OXR1: variants seen among roughly 807,000 people sequenced by gnomAD.
OXR1 encodes the protein oxidation resistance protein 1.
In OXR1, 41 loss-of-function variants were observed where a neutral mutation model predicts 104.6. The observed-to-expected ratio is 0.39, with a 90% confidence interval of 0.31 to 0.51. The LOEUF is 0.51. Ranked by LOEUF, OXR1 falls within the 20% of genes least tolerant of loss-of-function variation. The pLI, the probability that OXR1 is intolerant of heterozygous loss-of-function variation, is 0.77. For synonymous variants in OXR1, 348 were observed against 348.4 expected (o/e 1.00, Z 0.01); for missense variants, 955 against 1,031.9 (o/e 0.93, Z 1.02).
At position 106,304,859 on chromosome 8, in the gene OXR1, C is replaced by T. The variant is rs528461354; in HGVS notation, c.-139+34492C>T. ...GAATTTTAGTTTCATGGTTAATTGG[C>T]GTTAATTATCAGTAGTAATCATAAT... is the stretch of plus-strand genomic sequence containing the variant. On this transcript the variant is annotated intron_variant, in intron 1 of 16. Transcript: ENST00000517566. Among the ~76,000 whole-genome samples, 7 of 152,064 alleles carry T rather than the reference C, an allele frequency of 4.6e-5. No homozygotes were observed. The East Asian group carries it at 9.7e-4, about 21-fold the overall frequency.
intron 2 of OXR1, among the ~76,000 whole-genome samples, chr8:106,400,999 GAAAAGT>G (rs947442851): frequency 3.9e-5 from 6 of 152,176 alleles, no homozygotes; most frequent in Non-Finnish European, 5.9e-5. Context: ...AAAGACAAAT[GAAAAGT>G]AAAACATTTC....
At chr8:106,321,454 G>A (rs544219505) in intron 1 of OXR1, among the ~76,000 whole-genome samples, 1 of 152,182 alleles carries the variant, frequency 6.6e-6, no homozygotes, top group Admixed American at 6.5e-5. Context: ...GAAGTCAGAG[G>A]TTGATGTTGA....
rs931856617 is a variant in OXR1 at position 106,543,133 on chromosome 8, G to A, written c.220+23994G>A. Among the ~76,000 whole-genome samples the A allele has an allele frequency of 2.9e-4, 44 of 152,088 alleles. 1 individual carries two copies. The highest frequency in any genetic ancestry group is 2.8e-3 in the Admixed American group (43 of 15,262). ...GAGTCTACAGAGCAGAATTGAGGAA[G>A]GAGAAAGAGACTTCCTAATGAGCAC... On this transcript the variant is annotated intron_variant, in intron 3 of 16. Coordinates refer to ENST00000517566, the MANE Select transcript of OXR1 (RefSeq NM_001198533.2).
intron 2 of OXR1, among the ~76,000 whole-genome samples, chr8:106,465,994 C>G (rs1469907079): frequency 6.6e-6 from 1 of 151,926 alleles, no homozygotes; most frequent in Non-Finnish European, 1.5e-5. Flanking sequence ...TCTAAGAAGC[C>G]TTCTTTAATA....
In OXR1 at chr8:106,270,465, G is replaced by T. The variant is rs971164714; in HGVS notation, c.-139+98G>T. Reference sequence around the variant, plus strand: ...GGCGCGGCTGGCGCCCGGGAGAGCCGGCTGGCCTCTGCCCCCTGTGCCTGG... The same window carrying T: ...GGCGCGGCTGGCGCCCGGGAGAGCCTGCTGGCCTCTGCCCCCTGTGCCTGG... On this transcript the variant is annotated intron_variant, in intron 1 of 16. Transcript: ENST00000517566. 12 of 152,596 alleles carry T rather than the reference G, an allele frequency of 7.9e-5. 1 individual carries two copies. Among genetic ancestry groups the T allele is most frequent in the Admixed American group, 2.6e-4 (4 of 15,304 alleles). The allele number at this position is 152,596 out of a possible 1,614,324, so 9.5% of individuals were successfully genotyped here. A position where few individuals can be genotyped will look rare whatever the true frequency, so the allele number is the denominator to read the frequency against.
chr8:106,443,980 C>T (rs558709431), intron 2 of OXR1, among the ~76,000 whole-genome samples: 1 of 150,914 alleles, frequency 6.6e-6, no homozygotes, highest in African/African-American at 2.4e-5. Context: ...TTAAAAGGAA[C>T]TTAAACATAT....
At position 106,358,455 on chromosome 8, in the gene OXR1, C is replaced by T. The variant is rs377742803; in HGVS notation, c.-138-1021C>T. On this transcript the variant is annotated intron_variant, in intron 1 of 16. Transcript: ENST00000517566. ...GTGCTCCCACATGCCCTGTATGTGC[C>T]TTTATTAGAACACTTTCCCTATTTT... Among the ~76,000 whole-genome samples the T allele has an allele frequency of 7.1e-4, 108 of 152,254 alleles. 1 individual carries two copies. The highest frequency in any genetic ancestry group is 2.4e-3 in the African/African-American group (100 of 41,554).
intron 3 of OXR1, among the ~76,000 whole-genome samples, chr8:106,647,140 T>A (rs1328889750): frequency 6.6e-6 from 1 of 152,238 alleles, no homozygotes; most frequent in Non-Finnish European, 1.5e-5. Context: ...CTTGTTTGGC[T>A]TGACTGCCAT....
intron 3 of OXR1, among the ~76,000 whole-genome samples, chr8:106,562,023 A>T (rs1816721818): frequency 6.6e-6 from 1 of 152,226 alleles, no homozygotes; most frequent in African/African-American, 2.4e-5. Flanking sequence ...AGGAAAAACC[A>T]GTGCAAAAAG....
intron 3 of OXR1, among the ~76,000 whole-genome samples, chr8:106,621,376 G>A (rs1240053807): frequency 6.6e-6 from 1 of 151,910 alleles, no homozygotes; most frequent in Non-Finnish European, 1.5e-5. Context: ...GCTTGAGTCC[G>A]GGAGTTCCAG....
intron 3 of OXR1, among the ~76,000 whole-genome samples, chr8:106,552,759 A>G (rs993226763): frequency 2.6e-5 from 4 of 152,178 alleles, no homozygotes; most frequent in African/African-American, 4.8e-5. Flanking sequence ...ATTTATCCTT[A>G]GATTTTCAGA....
At chr8:106,726,346 C>A (rs1355471135) in intron 11 of OXR1, 3 of 1,053,136 alleles carry the variant, frequency 2.8e-6, no homozygotes, top group African/African-American at 3.3e-5. Flanking sequence ...TGTATATATA[C>A]TAGTCTTTTC....
intron 2 of OXR1, among the ~76,000 whole-genome samples, chr8:106,490,306 G>A (rs1810991381): frequency 6.6e-6 from 1 of 152,164 alleles, no homozygotes; most frequent in South Asian, 2.1e-4. Flanking sequence ...CAGAGGTAAA[G>A]GAAAGCATGT....
At chr8:106,545,564 G>A (rs1240190336) in intron 3 of OXR1, among the ~76,000 whole-genome samples, 1 of 152,202 alleles carries the variant, frequency 6.6e-6, no homozygotes, top group Non-Finnish European at 1.5e-5. Flanking sequence ...TAAAACGGTG[G>A]TACACAGATG....
At chr8:106,719,647 T>C (rs1213329551) in intron 11 of OXR1, among the ~76,000 whole-genome samples, 1 of 152,194 alleles carries the variant, frequency 6.6e-6, no homozygotes, top group African/African-American at 2.4e-5. Flanking sequence ...TCAGATTTTT[T>C]TTCTGTAGAA....
chr8:106,652,415 C>T (rs915289802), intron 3 of OXR1, among the ~76,000 whole-genome samples: 2 of 151,886 alleles, frequency 1.3e-5, no homozygotes, highest in Non-Finnish European at 2.9e-5. Flanking sequence ...GGGAATTGTA[C>T]CAAGTATGTT....
At chr8:106,283,355 A>G (rs1041365306) in intron 1 of OXR1, among the ~76,000 whole-genome samples, 2 of 152,304 alleles carry the variant, frequency 1.3e-5, no homozygotes, top group East Asian at 1.9e-4. Flanking sequence ...CTGGAACCCT[A>G]GATGGAGAGA....
intron 12 of OXR1, among the ~76,000 whole-genome samples, chr8:106,739,075 TACAC>T (rs71307086): frequency 0.37 from 52,228 of 141,234 alleles, 9,441 homozygotes; most frequent in Admixed American, 0.43. Flanking sequence ...TTAAATAGCA[TACAC>T]ACACACACAC....
At chr8:106,456,105 G>T (rs886458811) in intron 2 of OXR1, among the ~76,000 whole-genome samples, 3 of 152,050 alleles carry the variant, frequency 2.0e-5, no homozygotes, top group Admixed American at 1.3e-4. Flanking sequence ...GCTTTCCAGC[G>T]GAAATGATCT....
Sources: gnomAD v4.1 joint callset for allele counts (sites outside exome capture counted in the v4.1 genomes callset) on GRCh38, gnomAD v4.1.1 for gene constraint, MANE v1.5 for transcripts, NCBI Gene and HGNC (gene_info 2026-07-23, HGNC 2026-07-21) for gene names.